The following CHM variants were observed in gnomAD, a reference collection of about 807,000 sequenced individuals.
CHM encodes the protein CHM Rab escort protein.
In CHM, 10 loss-of-function variants were observed where a neutral mutation model predicts 49.0. The ratio of observed to expected loss-of-function variants is 0.20; its 90% CI spans 0.13 to 0.35. The LOEUF is 0.35. Among genes scored for constraint, CHM ranks in the 10% least tolerant of loss-of-function variants. The pLI is 1.00. For synonymous variants in CHM, 184 were observed against 167.5 expected (o/e 1.10, Z -0.76); for missense variants, 455 against 478.4 (o/e 0.95, Z 0.46).
chrX:85,961,850 AAATACCCAGAAGTCTCCTTCAG>A (rs762056121), intron 5 of CHM, among the ~76,000 whole-genome samples: 2 of 111,288 alleles, frequency 1.8e-5, no homozygotes, highest in East Asian at 5.7e-4. Flanking sequence ...AAACCGATGA[AAATACCCAGAAGTCTCCTTCAG>A]GGTATCTTCA....
rs191087332 is a variant in CHM, at chrX:85,968,493, C to G, written c.315-4441G>C. Among the ~76,000 whole-genome samples the G allele has an allele frequency of 2.8e-3, 311 of 111,568 alleles. No homozygotes were observed. Among genetic ancestry groups the G allele is most frequent in the Non-Finnish European group, 4.9e-3 (259 of 53,088 alleles). ...AATATTAGAGAGAAGCTGCTCAGTC[C>G]TTGGGGATGGATCATGACAGATCAA... On this transcript the variant is annotated intron_variant, in intron 4 of 14. Coordinates refer to ENST00000357749, the MANE Select transcript of CHM (RefSeq NM_000390.4).
intron 12 of CHM, 77 bp downstream of exon 12, chrX:85,894,111 C>A: frequency 1.4e-6 from 1 of 701,594 alleles, no homozygotes; most frequent in South Asian, 2.3e-5. Flanking sequence ...ACAAATACAA[C>A]CTTCACAACT....
intron 2 of CHM, among the ~76,000 whole-genome samples, chrX:85,982,247 GCCACCTCCA>G (rs1407773684): frequency 9.6e-6 from 1 of 103,935 alleles, no homozygotes; most frequent in African/African-American, 3.4e-5. Context: ...CACCACCTCC[GCCACCTCCA>G]CCACCACCAC....
intron 9 of CHM, chrX:85,903,554 CAGG>C (rs1222396468): frequency 7.8e-6 from 3 of 382,367 alleles, no homozygotes; most frequent in Admixed American, 2.6e-5. Flanking sequence ...TCAACCATAC[CAGG>C]AGAAGATACT....
Position 85,949,757 on chromosome X carries a change from G to A in CHM, c.1166+6396C>T, listed in dbSNP as rs191419305. On this transcript the variant is annotated intron_variant, in intron 8 of 14. Transcript: ENST00000357749. ...TAAAGTCATAAAATCACATATTTAG[G>A]TAATGTAAATTTGAGAATACCTACT... Among the ~76,000 whole-genome samples, 4 of 107,457 alleles carry A rather than the reference G, an allele frequency of 3.7e-5. No individual in the cohort carries two copies. The East Asian group carries it at 1.2e-3, about 32-fold the overall frequency. 93.3% of individuals were successfully genotyped at this position (107,457 alleles called of 115,157 possible).
At chrX:85,950,671 C>T (rs1195559912) in intron 8 of CHM, among the ~76,000 whole-genome samples, 9 of 111,304 alleles carry the variant, frequency 8.1e-5, no homozygotes, top group African/African-American at 1.6e-4. Flanking sequence ...ATTTCCAAAA[C>T]AATAAACATA....
At chrX:85,901,370 G>T (rs190412110) in intron 9 of CHM, among the ~76,000 whole-genome samples, 182 bp from the exon 10 acceptor site, 1 of 111,386 alleles carries the variant, frequency 9.0e-6, no homozygotes, top group Non-Finnish European at 1.9e-5. Context: ...ATATATTCTT[G>T]TTGCTATTTT....
Position 85,863,382 on chromosome X carries a change from G to T in CHM, c.*1248C>A, listed in dbSNP as rs187298901. ...TGCTGGGATTACAGGCAGCCCTAAC[G>T]TTTTTATGTAGTGTATATTAGGGCT... is the stretch of plus-strand genomic sequence containing the variant. On this transcript the variant is annotated 3_prime_UTR_variant, in exon 15 of 15. Transcript: ENST00000357749. The T allele has an allele frequency of 2.9e-3, 321 of 111,619 alleles. 3 individuals are homozygous for T. The highest frequency in any genetic ancestry group is 0.01 in the African/African-American group (316 of 30,718). The allele number at this position is 111,619 out of a possible 1,213,427, so 9.2% of individuals were successfully genotyped here.
At chrX:85,904,440 T>A (rs1192852824) in intron 9 of CHM, among the ~76,000 whole-genome samples, 4 of 111,458 alleles carry the variant, frequency 3.6e-5, no homozygotes, top group Non-Finnish European at 7.5e-5. Flanking sequence ...AAGAAAATAG[T>A]AAGATGAAAA....
intron 2 of CHM, among the ~76,000 whole-genome samples, chrX:85,992,620 A>G (rs1015528339): frequency 1.8e-5 from 2 of 112,064 alleles, no homozygotes; most frequent in East Asian, 5.6e-4. Flanking sequence ...TCCTTTCACC[A>G]TCTCCTCATT....
intron 9 of CHM, among the ~76,000 whole-genome samples, chrX:85,910,194 A>C (rs776575642): frequency 8.9e-6 from 1 of 111,844 alleles, no homozygotes; most frequent in Non-Finnish European, 1.9e-5. Flanking sequence ...TCAAAATACT[A>C]GTTTTTTCAC....
At chrX:86,000,638 T>C (rs191587849) in intron 2 of CHM, among the ~76,000 whole-genome samples, 1 of 111,312 alleles carries the variant, frequency 9.0e-6, no homozygotes, top group Admixed American at 9.6e-5. Flanking sequence ...AAATATTGTA[T>C]ATATACACAA....
rs750863624 is a variant in CHM, at chrX:85,974,690, G to A, written c.314+4077C>T. Among the ~76,000 whole-genome samples, 8 of 108,247 alleles carry A rather than the reference G, an allele frequency of 7.4e-5. No individual in the cohort carries two copies. In the South Asian group the frequency reaches 2.8e-3, roughly 38 times the overall value. 94.0% of individuals were successfully genotyped at this position (108,247 alleles called of 115,157 possible). A position where few individuals can be genotyped will look rare whatever the true frequency, so the allele number is the denominator to read the frequency against. Reference sequence around the variant, plus strand: ...TGAAGCAATTGGATATCCTTAGATCGAAAAACAAAAAAGAACACTGATCTA... The same window carrying A: ...TGAAGCAATTGGATATCCTTAGATCAAAAAACAAAAAAGAACACTGATCTA... On this transcript the variant is annotated intron_variant, in intron 4 of 14. Coordinates refer to ENST00000357749, the MANE Select transcript of CHM (RefSeq NM_000390.4).
At chrX:85,943,195 A>G (rs56220750) in intron 8 of CHM, among the ~76,000 whole-genome samples, 24,493 of 109,422 alleles carry the variant, frequency 0.22, 2,156 homozygotes, top group Non-Finnish European at 0.25. Flanking sequence ...AAGGGCTAAT[A>G]TCCAGAATCT....
intron 14 of CHM, among the ~76,000 whole-genome samples, chrX:85,865,477 T>C (rs1162421471): frequency 8.9e-6 from 1 of 111,894 alleles, no homozygotes; most frequent in Non-Finnish European, 1.9e-5. Flanking sequence ...TCAGGTAGTA[T>C]CTTTATGGCA....
At position 85,937,801 on chromosome X, in the gene CHM, G is replaced by C. The variant is rs768766660; in HGVS notation, c.1166+18352C>G. Among the ~76,000 whole-genome samples the C allele has an allele frequency of 1.2e-4, 12 of 104,320 alleles. No homozygotes were observed. In the Admixed American group the frequency reaches 1.3e-3, roughly 11 times the overall value. 90.6% of individuals were successfully genotyped at this position (104,320 alleles called of 115,157 possible). A position where few individuals can be genotyped will look rare whatever the true frequency, so the allele number is the denominator to read the frequency against. On this transcript the variant is annotated intron_variant, in intron 8 of 14. Transcript: ENST00000357749. ...AGAGGTTGCAGTGAGTCGAGATCCT[G>C]CCACTGCACTGCAGCCTGGGAAACA...
At chrX:85,903,303 G>A (rs955219408) in intron 9 of CHM, among the ~76,000 whole-genome samples, 2 of 111,004 alleles carry the variant, frequency 1.8e-5, no homozygotes, top group African/African-American at 6.5e-5. Flanking sequence ...ATAAAACTGG[G>A]GGAGGGGGTC....
intron 5 of CHM, among the ~76,000 whole-genome samples, chrX:85,960,947 C>T (rs961868160): frequency 9.0e-6 from 1 of 111,522 alleles, no homozygotes; most frequent in East Asian, 2.8e-4. Flanking sequence ...CAGTATGACA[C>T]TATACGTATT....
At chrX:85,928,724 T>C (rs1175082967) in intron 8 of CHM, among the ~76,000 whole-genome samples, 2 of 111,382 alleles carry the variant, frequency 1.8e-5, no homozygotes, top group East Asian at 2.8e-4. Context: ...GAACAGTAGG[T>C]CTTTGCCTTA....
Sources: gnomAD v4.1 joint callset for allele counts (sites outside exome capture counted in the v4.1 genomes callset) on GRCh38, gnomAD v4.1.1 for gene constraint, MANE v1.5 for transcripts, NCBI Gene and HGNC (gene_info 2026-07-23, HGNC 2026-07-21) for gene names.